Variants in ADORA2B observed in about 807,000 individuals in gnomAD.
The protein encoded by ADORA2B is adenosine A2b receptor.
Under a neutral mutation model 20.8 loss-of-function variants are expected in ADORA2B, and 18 were observed. That is an observed-to-expected ratio of 0.87 (90% CI 0.60 to 1.29). The LOEUF (loss-of-function observed/expected upper bound fraction) is 1.29, where lower values mean the gene tolerates loss of function less well. Among genes scored for constraint, ADORA2B ranks in the 50% most tolerant of loss-of-function variants. ADORA2B has a pLI of 0.00. For synonymous variants in ADORA2B, 179 were observed against 178.3 expected, an observed-to-expected ratio of 1.00 and a Z score of -0.03; for missense variants, 441 against 422.7, an observed-to-expected ratio of 1.04 and a Z score of -0.38.
At chr17:15,921,256 C>A in the ADORA2B span, among the ~76,000 whole-genome samples, 8 of 152,250 alleles carry the variant, frequency 5.3e-5, no homozygotes, top group Non-Finnish European at 7.3e-5. Context: ...GTCTCACTTA[C>A]AATTTAAAGC....
the ADORA2B span, among the ~76,000 whole-genome samples, chr17:15,883,780 G>A: frequency 6.6e-6 from 1 of 152,180 alleles, no homozygotes; most frequent in Non-Finnish European, 1.5e-5. Context: ...GACGTGCTTA[G>A]GAGGATAATT....
At chr17:15,870,806 A>G in the ADORA2B span, among the ~76,000 whole-genome samples, 1 of 152,210 alleles carries the variant, frequency 6.6e-6, no homozygotes, top group Non-Finnish European at 1.5e-5. Context: ...CAATTCAAAA[A>G]ACATAAATCC....
the ADORA2B span, among the ~76,000 whole-genome samples, chr17:15,916,526 G>GC: frequency 4.4e-4 from 66 of 151,640 alleles, no homozygotes; most frequent in African/African-American, 1.5e-3. Flanking sequence ...GAGCAAGGAG[G>GC]GGGGGTACAT....
At chr17:15,875,873 A>G in the ADORA2B span, among the ~76,000 whole-genome samples, 4 of 152,084 alleles carry the variant, frequency 2.6e-5, no homozygotes, top group Non-Finnish European at 4.4e-5. Context: ...GAGCCACCAC[A>G]CCCAGCCTGT....
chr17:15,946,780 C>T (rs1314467752), intron 1 of ADORA2B, among the ~76,000 whole-genome samples: 1 of 152,154 alleles, frequency 6.6e-6, no homozygotes, highest in East Asian at 1.9e-4. Context: ...CTTGAACTCA[C>T]AGCTGGCACC....
At chr17:15,928,622 A>G in the ADORA2B span, among the ~76,000 whole-genome samples, 117 of 152,274 alleles carry the variant, frequency 7.7e-4, no homozygotes, top group East Asian at 9.3e-3. Flanking sequence ...GGACACCTGA[A>G]GCAGAAACTC....
At chr17:15,852,062 T>C in the ADORA2B span, among the ~76,000 whole-genome samples, 42 of 152,380 alleles carry the variant, frequency 2.8e-4, 1 homozygote, top group East Asian at 8.1e-3. Context: ...TTACATACTT[T>C]GCCTGTATTT....
chr17:15,925,648 C>G, the ADORA2B span, among the ~76,000 whole-genome samples: 681 of 152,280 alleles, frequency 4.5e-3, 10 homozygotes, highest in African/African-American at 0.016. Flanking sequence ...TGACTGTTCT[C>G]TTTCTGCGTA....
intron 1 of ADORA2B, among the ~76,000 whole-genome samples, chr17:15,954,560 C>T (rs1343910786): frequency 6.6e-6 from 1 of 152,190 alleles, no homozygotes; most frequent in East Asian, 1.9e-4. Flanking sequence ...TCTAGGATTT[C>T]ATATTTGTTA....
At chr17:15,941,959 G>A (rs901840990), upstream of ADORA2B, among the ~76,000 whole-genome samples, 14 of 151,826 alleles carry the variant, frequency 9.2e-5, no homozygotes, top group Admixed American at 7.2e-4. Flanking sequence ...AAGAGGGGCG[G>A]GTTGTTGTGT....
intron 1 of ADORA2B, among the ~76,000 whole-genome samples, chr17:15,967,817 C>T (rs1052838229): frequency 1.3e-5 from 2 of 152,202 alleles, no homozygotes; most frequent in East Asian, 1.9e-4. Context: ...CGTACCTTTT[C>T]GTCGTAGCCC....
chr17:15,871,558 C>T, the ADORA2B span, among the ~76,000 whole-genome samples: 1 of 152,254 alleles, frequency 6.6e-6, no homozygotes, highest in Non-Finnish European at 1.5e-5. Flanking sequence ...GAGAGGGGCT[C>T]ACGGTTCTGA....
chr17:15,959,781 A>C (rs571535488), intron 1 of ADORA2B, among the ~76,000 whole-genome samples: 1 of 152,324 alleles, frequency 6.6e-6, no homozygotes, highest in South Asian at 2.1e-4. Flanking sequence ...GATTACAGGC[A>C]TGAGCCACTG....
the ADORA2B span, among the ~76,000 whole-genome samples, chr17:15,866,702 T>G: frequency 6.7e-6 from 1 of 149,944 alleles, no homozygotes; most frequent in African/African-American, 2.5e-5. Context: ...CCTCTGCCTC[T>G]GCCGCTGCCG....
chr17:15,880,029 G>A, the ADORA2B span, among the ~76,000 whole-genome samples: 1 of 148,668 alleles, frequency 6.7e-6, no homozygotes, highest in South Asian at 2.1e-4. Flanking sequence ...TTTGGTGAAA[G>A]TCTTCTGAAA....
chr17:15,932,490 CA>C, the ADORA2B span, among the ~76,000 whole-genome samples: 6,275 of 76,350 alleles, frequency 0.082, 394 homozygotes, highest in African/African-American at 0.21. Flanking sequence ...AAGACTCTCT[CA>C]AAAAAAAAAA....
chr17:15,932,330 T>C, the ADORA2B span, among the ~76,000 whole-genome samples: 1 of 151,832 alleles, frequency 6.6e-6, no homozygotes, highest in Non-Finnish European at 1.5e-5. Flanking sequence ...CCGTCTCTAC[T>C]AAAAATACAA....
At chr17:15,970,726 A>G (rs937526734) in intron 1 of ADORA2B, among the ~76,000 whole-genome samples, 5 of 152,222 alleles carry the variant, frequency 3.3e-5, no homozygotes, top group African/African-American at 4.8e-5. Context: ...TTTTGAAACC[A>G]GAATATGGAG....
upstream of ADORA2B, among the ~76,000 whole-genome samples, chr17:15,942,088 C>T (rs552363741): frequency 1.6e-4 from 24 of 152,268 alleles, no homozygotes; most frequent in African/African-American, 5.5e-4. Context: ...GGGAACAGGG[C>T]ACAGCCCTGT....
Sources: allele counts gnomAD v4.1 joint callset (sites outside exome capture counted in the v4.1 genomes callset), GRCh38; gene constraint gnomAD v4.1.1; transcripts MANE v1.5; gene names NCBI Gene and HGNC (gene_info 2026-07-23, HGNC 2026-07-21).